The following CADPS variants were observed in gnomAD, a reference collection of about 807,000 sequenced individuals.
CADPS encodes the protein calcium-dependent secretion activator 1.
CADPS carries 57 observed loss-of-function variants against 167.3 expected under a neutral mutation model. The ratio of observed to expected loss-of-function variants is 0.34; its 90% CI spans 0.28 to 0.42. CADPS has a LOEUF of 0.42. Among genes scored for constraint, CADPS ranks in the 20% least tolerant of loss-of-function variants. The pLI, the probability that CADPS is intolerant of heterozygous loss-of-function variation, is 1.00. For missense variants in CADPS, 1,414 were observed against 1,738.1 expected (o/e 0.81, Z 3.32); for synonymous variants, 676 against 635.3 (o/e 1.06, Z -0.96).
rs552122204 is a variant in CADPS at position 62,451,477 on chromosome 3, A to C, written c.3637-5680T>G. ...ATACTATTAAATCAATGCACAGACA[A>C]AAAAAAAAAGTGGATTAGGCCCTTT... is the stretch of plus-strand genomic sequence containing the variant. On this transcript the variant is annotated intron_variant, in intron 26 of 29. Coordinates refer to ENST00000383710, the MANE Select transcript of CADPS (RefSeq NM_003716.4). Among the ~76,000 whole-genome samples the C allele has an allele frequency of 2.2e-3, 317 of 146,290 alleles. 1 individual carries two copies. The highest frequency in any genetic ancestry group is 3.7e-3 in the Non-Finnish European group (248 of 66,308).
chr3:62,582,174 G>A (rs762107741), intron 8 of CADPS, among the ~76,000 whole-genome samples: 6 of 152,182 alleles, frequency 3.9e-5, no homozygotes, highest in Non-Finnish European at 8.8e-5. Flanking sequence ...GGCAGGGCGC[G>A]GTGGCTCATG....
At chr3:62,537,977 C>A (rs1397368431) in intron 11 of CADPS, among the ~76,000 whole-genome samples, 1 of 152,064 alleles carries the variant, frequency 6.6e-6, no homozygotes, top group Non-Finnish European at 1.5e-5. Context: ...CGTTTATGCC[C>A]AAGACTCGCA....
intron 14 of CADPS, 92 bp from the exon 15 acceptor site, chr3:62,516,735 G>A: frequency 1.1e-6 from 1 of 876,032 alleles, no homozygotes; most frequent in Non-Finnish European, 1.8e-6. Flanking sequence ...CTCTCTCTGA[G>A]GAATGGAAAA....
At chr3:62,803,618 C>T (rs11917158) in intron 1 of CADPS, among the ~76,000 whole-genome samples, 152 of 152,186 alleles carry the variant, frequency 1.0e-3, no homozygotes, top group African/African-American at 3.5e-3. Context: ...TGTGCCTCCA[C>T]TTTTCATCTG....
At chr3:62,521,951 A>T (rs567707077) in intron 13 of CADPS, among the ~76,000 whole-genome samples, 4 of 152,300 alleles carry the variant, frequency 2.6e-5, no homozygotes, top group Admixed American at 2.0e-4. Flanking sequence ...TGGAATCCTT[A>T]CGTTGAATAA....
chr3:62,738,570 A>G (rs1262614350), intron 3 of CADPS, among the ~76,000 whole-genome samples: 2 of 151,994 alleles, frequency 1.3e-5, no homozygotes, highest in African/African-American at 4.8e-5. Context: ...CTAAAAGTAC[A>G]AAAAAATTAA....
chr3:62,753,865 C>A lies in CADPS; in HGVS notation c.556-92G>T. 8.0e-7 allele frequency: 1 copy of A among 1,249,886 alleles called. No individual in the cohort carries two copies. Among genetic ancestry groups the A allele is most frequent in the East Asian group, 2.5e-5 (1 of 39,570 alleles). 77.4% of individuals were successfully genotyped at this position (1,249,886 alleles called of 1,614,324 possible). A position where few individuals can be genotyped will look rare whatever the true frequency, so the allele number is the denominator to read the frequency against. On this transcript the variant is annotated intron_variant, in intron 2 of 29. Coordinates refer to ENST00000383710, the MANE Select transcript of CADPS (RefSeq NM_003716.4). The surrounding 1 kb of genome is among the most constrained non-coding windows in gnomAD (Gnocchi z 4.6). ...CTGGACACTGGGCCAGTCCACCTCA[C>A]GTGCATCCCAGGAGGAACCACTGTG... is the stretch of plus-strand genomic sequence containing the variant.
intron 6 of CADPS, among the ~76,000 whole-genome samples, chr3:62,623,246 G>A (rs2063464626): frequency 6.6e-6 from 1 of 152,114 alleles, no homozygotes. Context: ...ATCCAGAAGA[G>A]AGAGCTGACC....
intron 3 of CADPS, among the ~76,000 whole-genome samples, chr3:62,685,930 T>C (rs898605754): frequency 3.3e-5 from 5 of 152,056 alleles, no homozygotes; most frequent in East Asian, 1.9e-4. Flanking sequence ...TATAGCACTA[T>C]AGGATGGCTA....
chr3:62,646,788 A>T lies in CADPS; in HGVS notation c.1204-945T>A, dbSNP rs2068697647. 2.0e-5 allele frequency among the ~76,000 whole-genome samples: 3 copies of T among 152,228 alleles called. No individual in the cohort carries two copies. In the South Asian group the frequency reaches 6.2e-4, roughly 31 times the overall value. ...GAAAATGAAAAACTGAATCAGAGTCACAGTGAGAAAGCTGATTTTGAAATG... is the reference window on the plus strand; with the variant it reads ...GAAAATGAAAAACTGAATCAGAGTCTCAGTGAGAAAGCTGATTTTGAAATG... On this transcript the variant is annotated intron_variant, in intron 5 of 29. Transcript: ENST00000383710.
chr3:62,564,434 A>T (rs75107448), intron 9 of CADPS, among the ~76,000 whole-genome samples: 2,322 of 152,282 alleles, frequency 0.015, 25 homozygotes, highest in Non-Finnish European at 0.021. Context: ...AAAGGTTGTG[A>T]AGACCAGCTT....
chr3:62,721,324 T>C (rs981081015), intron 3 of CADPS, among the ~76,000 whole-genome samples: 5 of 151,926 alleles, frequency 3.3e-5, no homozygotes, highest in African/African-American at 9.7e-5. Flanking sequence ...CTAACAATAC[T>C]GTTCACCAGG....
At chr3:62,483,676 T>C (rs1325262188) in intron 21 of CADPS, among the ~76,000 whole-genome samples, 1 of 152,190 alleles carries the variant, frequency 6.6e-6, no homozygotes, top group African/African-American at 2.4e-5. Flanking sequence ...ACTATATGAC[T>C]ATTAAACAGA....
chr3:62,429,897 C>T (rs919004044), intron 28 of CADPS, among the ~76,000 whole-genome samples: 1 of 152,168 alleles, frequency 6.6e-6, no homozygotes, highest in African/African-American at 2.4e-5. Flanking sequence ...GAAAGCTGTT[C>T]TGATAAAGAC....
chr3:62,736,918 T>A (rs1618807), intron 3 of CADPS, among the ~76,000 whole-genome samples: 2 of 151,900 alleles, frequency 1.3e-5, no homozygotes, highest in Admixed American at 6.6e-5. Context: ...GCAGGTTAAT[T>A]GCGAGGTTAG....
At chr3:62,701,645 A>G (rs1053583539) in intron 3 of CADPS, among the ~76,000 whole-genome samples, 2 of 151,866 alleles carry the variant, frequency 1.3e-5, no homozygotes, top group Admixed American at 6.6e-5. Context: ...GGAAAAGAAA[A>G]GAAAAGATGC....
chr3:62,655,796 C>T (rs922228968), intron 4 of CADPS, among the ~76,000 whole-genome samples: 2 of 152,084 alleles, frequency 1.3e-5, no homozygotes, highest in African/African-American at 4.8e-5. Flanking sequence ...CTATTTAATC[C>T]AATCTCTCAG....
At chr3:62,620,624 AC>A (rs1222138562) in intron 6 of CADPS, among the ~76,000 whole-genome samples, 1 of 152,186 alleles carries the variant, frequency 6.6e-6, no homozygotes, top group Non-Finnish European at 1.5e-5. Context: ...GCTCCAGGTC[AC>A]CAGATCAGTG....
At chr3:62,779,554 T>C in intron 1 of CADPS, 1 of 533,462 alleles carries the variant, frequency 1.9e-6, no homozygotes, top group South Asian at 1.4e-5. Flanking sequence ...TTGTCTGCCC[T>C]CTGCCAGGCT....
Sources: allele counts gnomAD v4.1 joint callset (sites outside exome capture counted in the v4.1 genomes callset), GRCh38; gene constraint gnomAD v4.1.1; non-coding constraint Gnocchi (gnomAD v3.1); transcripts MANE v1.5; gene names NCBI Gene and HGNC (gene_info 2026-07-23, HGNC 2026-07-21).